The following KLHL2 variants were observed in gnomAD, a reference collection of about 807,000 sequenced individuals.
KLHL2 encodes kelch like family member 2.
A neutral mutation model predicts 75.8 loss-of-function variants in KLHL2; 15 were observed. The ratio of observed to expected loss-of-function variants is 0.20; its 90% confidence interval spans 0.13 to 0.30. The LOEUF (loss-of-function observed/expected upper bound fraction) is 0.30. Among genes scored for constraint, KLHL2 ranks in the 10% least tolerant of loss-of-function variants. The pLI is 1.00. For missense variants in KLHL2, 381 were observed against 741.0 expected (o/e 0.51, Z 5.64); for synonymous variants, 214 against 251.9 (o/e 0.85, Z 1.42).
chr4:165,242,962 G>A (rs938983724), intron 4 of KLHL2, among the ~76,000 whole-genome samples: 18 of 152,188 alleles, frequency 1.2e-4, no homozygotes, highest in African/African-American at 3.6e-4. Context: ...TAAGATAGGT[G>A]TTACCCCAAT....
intron 4 of KLHL2, among the ~76,000 whole-genome samples, chr4:165,256,850 C>T (rs1318510329): frequency 6.6e-6 from 1 of 152,046 alleles, no homozygotes; most frequent in African/African-American, 2.4e-5. Flanking sequence ...TTGTTATGTA[C>T]ACATGTGTTT....
intron 1 of KLHL2, among the ~76,000 whole-genome samples, chr4:165,217,324 A>G (rs1418399872): frequency 6.6e-6 from 1 of 152,236 alleles, no homozygotes; most frequent in East Asian, 1.9e-4. Context: ...CTTTACAGGT[A>G]GAATGAGAAT....
intron 9 of KLHL2, among the ~76,000 whole-genome samples, chr4:165,309,859 A>G (rs1294686207): frequency 6.6e-6 from 1 of 152,220 alleles, no homozygotes; most frequent in East Asian, 1.9e-4. Flanking sequence ...CAAATAAATT[A>G]TAAGCGTATG....
At chr4:165,236,489 T>G (rs1439815451) in intron 3 of KLHL2, among the ~76,000 whole-genome samples, 1 of 152,184 alleles carries the variant, frequency 6.6e-6, no homozygotes, top group Non-Finnish European at 1.5e-5. Flanking sequence ...GTAGCTGGGA[T>G]TACAGGAGTG....
chr4:165,264,605 T>TATATATATATATATACAC (rs757273597), intron 5 of KLHL2, among the ~76,000 whole-genome samples: 8 of 124,130 alleles, frequency 6.4e-5, no homozygotes, highest in African/African-American at 2.5e-4. Context: ...TATATATATA[T>TATATATATATATATACAC]ACACACACAC....
At chr4:165,298,023 C>T (rs1745049586) in intron 7 of KLHL2, among the ~76,000 whole-genome samples, 4 of 152,126 alleles carry the variant, frequency 2.6e-5, no homozygotes, top group African/African-American at 9.7e-5. Flanking sequence ...GGGTTTTGCC[C>T]TGTTGGCCAG....
At chr4:165,289,352 A>C (rs578052307) in intron 5 of KLHL2, among the ~76,000 whole-genome samples, 1 of 152,262 alleles carries the variant, frequency 6.6e-6, no homozygotes, top group East Asian at 1.9e-4. Flanking sequence ...AGATATCAAT[A>C]CTTAAAAATT....
rs921419571 is a variant in KLHL2 at position 165,252,007 on chromosome 4, A to G, written c.382-11190A>G. On this transcript the variant is annotated intron_variant, in intron 4 of 14. Coordinates refer to ENST00000226725, the MANE Select transcript of KLHL2 (RefSeq NM_007246.4). ...TTGTGGCTTTGTATTATTAAAATAT[A>G]TGGTCCTTGAAGATGTCTCCATGGC... Among the ~76,000 whole-genome samples the G allele has an allele frequency of 1.6e-4, 25 of 152,180 alleles. 1 individual carries two copies. The highest frequency in any genetic ancestry group is 4.6e-4 in the African/African-American group (19 of 41,444).
At chr4:165,229,825 T>C (rs1738740781) in intron 3 of KLHL2, among the ~76,000 whole-genome samples, 1 of 152,204 alleles carries the variant, frequency 6.6e-6, no homozygotes. Flanking sequence ...CCTGATGGAT[T>C]GAGGGGTTTA....
intron 9 of KLHL2, among the ~76,000 whole-genome samples, chr4:165,307,122 A>G (rs866420585): frequency 2.0e-5 from 3 of 152,214 alleles, no homozygotes; most frequent in African/African-American, 4.8e-5. Flanking sequence ...AGCCTGGCCA[A>G]CATGATGAAA....
intron 5 of KLHL2, among the ~76,000 whole-genome samples, chr4:165,269,813 T>C (rs1017798029): frequency 4.0e-5 from 6 of 151,258 alleles, no homozygotes; most frequent in African/African-American, 1.5e-4. Context: ...TTCTTGAGGA[T>C]TATCTTTGTC....
chr4:165,251,394 A>G (rs946685212), intron 4 of KLHL2, among the ~76,000 whole-genome samples: 1 of 152,102 alleles, frequency 6.6e-6, no homozygotes, highest in Non-Finnish European at 1.5e-5. Context: ...GGTAATCCTC[A>G]TAGTTTTAAT....
intron 4 of KLHL2, among the ~76,000 whole-genome samples, chr4:165,257,325 T>A (rs1741256453): frequency 6.6e-6 from 1 of 152,230 alleles, no homozygotes; most frequent in Non-Finnish European, 1.5e-5. Context: ...TTATAAAATA[T>A]GTCTCAGAAC....
chr4:165,262,221 T>C (rs1445877286), intron 4 of KLHL2, among the ~76,000 whole-genome samples: 1 of 152,214 alleles, frequency 6.6e-6, no homozygotes, highest in East Asian at 1.9e-4. Flanking sequence ...TAATATAAAA[T>C]TGCTTGGAGT....
At chr4:165,289,847 C>T (rs1050063896) in intron 5 of KLHL2, among the ~76,000 whole-genome samples, 4 of 152,138 alleles carry the variant, frequency 2.6e-5, no homozygotes, top group African/African-American at 9.7e-5. Flanking sequence ...ATGTTTGTTA[C>T]CACTGGAGAG....
At chr4:165,221,898 A>C (rs906242703) in intron 2 of KLHL2, among the ~76,000 whole-genome samples, 2 of 152,214 alleles carry the variant, frequency 1.3e-5, no homozygotes, top group African/African-American at 2.4e-5. Flanking sequence ...TGCATTGGTT[A>C]CTAAGTGGAA....
At chr4:165,292,563 C>A (rs1744599375) in intron 5 of KLHL2, among the ~76,000 whole-genome samples, 1 of 151,922 alleles carries the variant, frequency 6.6e-6, no homozygotes, top group African/African-American at 2.4e-5. Context: ...GGACTCCTGA[C>A]CTCAGGTCAT....
chr4:165,281,110 A>G (rs1743635672), intron 5 of KLHL2, among the ~76,000 whole-genome samples: 1 of 152,172 alleles, frequency 6.6e-6, no homozygotes, highest in South Asian at 2.1e-4. Flanking sequence ...TGCATTGAGT[A>G]TAGAGGAATT....
At chr4:165,312,971 G>A (rs1044699337) in intron 11 of KLHL2, among the ~76,000 whole-genome samples, 52 of 152,200 alleles carry the variant, frequency 3.4e-4, no homozygotes, top group African/African-American at 1.2e-3. Context: ...AAGATATAAT[G>A]AGTGTGCTAT....
Sources: gnomAD v4.1 joint callset for allele counts (sites outside exome capture counted in the v4.1 genomes callset) on GRCh38, gnomAD v4.1.1 for gene constraint, MANE v1.5 for transcripts, NCBI Gene and HGNC (gene_info 2026-07-23, HGNC 2026-07-21) for gene names.